Variants in HERC3 observed in about 807,000 individuals in gnomAD.
HERC3 encodes HECT and RLD domain containing E3 ubiquitin protein ligase 3, also known as probable E3 ubiquitin-protein ligase HERC3.
In HERC3, 58 loss-of-function variants were observed where a neutral mutation model predicts 129.9. The ratio of observed to expected loss-of-function variants is 0.45; its 90% CI spans 0.36 to 0.56. The LOEUF is 0.56. Among genes scored for constraint, HERC3 ranks in the 20% least tolerant of loss-of-function variants. HERC3 has a pLI of 0.00. For synonymous variants in HERC3, 430 were observed against 451.0 expected, an observed-to-expected ratio of 0.95 and a Z score of 0.59; for missense variants, 835 against 1,244.2, an observed-to-expected ratio of 0.67 and a Z score of 4.95.
rs13114607 is a variant in HERC3 at position 88,622,767 on chromosome 4, A to G, written c.226+16718A>G. Among the ~76,000 whole-genome samples, 623 of 152,210 alleles carry G rather than the reference A, an allele frequency of 4.1e-3. 11 individuals carry two copies. Among genetic ancestry groups the G allele is most frequent in the Admixed American group, 0.024 (361 of 15,278 alleles). On this transcript the variant is annotated intron_variant, in intron 3 of 25. Transcript: ENST00000402738. ...AACATGGTGAAACCCCATTTCTACT[A>G]AAAATACAAAAATTAGCTGGGTGTG...
At chr4:88,616,263 CATA>C (rs1455363059) in intron 3 of HERC3, among the ~76,000 whole-genome samples, 1 of 152,182 alleles carries the variant, frequency 6.6e-6, no homozygotes, top group Non-Finnish European at 1.5e-5. Flanking sequence ...TGATTATCCA[CATA>C]TGGACATGCA....
intron 3 of HERC3, among the ~76,000 whole-genome samples, chr4:88,620,196 T>C (rs191633298): frequency 1.8e-4 from 27 of 152,340 alleles, no homozygotes; most frequent in African/African-American, 5.3e-4. Context: ...TGAATAAATA[T>C]AACGGGTCAC....
At chr4:88,628,763 T>C (rs1193872698) in intron 3 of HERC3, among the ~76,000 whole-genome samples, 1 of 152,166 alleles carries the variant, frequency 6.6e-6, no homozygotes, top group Non-Finnish European at 1.5e-5. Context: ...TAAAATAGTA[T>C]AAAACAATCT....
At chr4:88,568,045 TG>T in the HERC3 span, among the ~76,000 whole-genome samples, 1 of 152,242 alleles carries the variant, frequency 6.6e-6, no homozygotes, top group Non-Finnish European at 1.5e-5. Context: ...GTAGAGGTAT[TG>T]CCTTAGTGGT....
the HERC3 span, among the ~76,000 whole-genome samples, chr4:88,537,853 A>T: frequency 1.3e-5 from 2 of 152,246 alleles, no homozygotes; most frequent in African/African-American, 4.8e-5. Context: ...TAAATGGGAG[A>T]TCTGCATTTA....
chr4:88,690,484 A>G, intron 23 of HERC3: 1 of 985,438 alleles, frequency 1.0e-6, no homozygotes, highest in South Asian at 4.7e-5. Flanking sequence ...TAATGTGTGC[A>G]TCATTTGTTA....
rs1735849377 is a variant in HERC3, at chr4:88,707,090, T to C, written c.*130T>C. On this transcript the variant is annotated 3_prime_UTR_variant, in exon 26 of 26. Coordinates refer to ENST00000402738, the MANE Select transcript of HERC3 (RefSeq NM_014606.3). ...GGTTGGGACTTTTAAATACTGAGCCTGGTTGATGTGTTTCTGGGATTGTAT... is the reference window on the plus strand; with the variant it reads ...GGTTGGGACTTTTAAATACTGAGCCCGGTTGATGTGTTTCTGGGATTGTAT... 1 of 720,766 alleles carries C rather than the reference T, an allele frequency of 1.4e-6. No homozygotes were observed. The highest frequency in any genetic ancestry group is 1.9e-5 in the South Asian group (1 of 53,730). The allele number at this position is 720,766 out of a possible 1,614,324, so 44.6% of individuals were successfully genotyped here.
Position 88,655,976 on chromosome 4 carries a change from G to A in HERC3, c.1010G>A (p.Cys337Tyr). ...ACTGGGCACACTTGTAATGTTAAGTGCCCATCTCCTGTCAAGGGTTACTGG... is the reference window on the plus strand; with the variant it reads ...ACTGGGCACACTTGTAATGTTAAGTACCCATCTCCTGTCAAGGGTTACTGG... Reference protein sequence around the residue: ...LGTGHTCNVKCPSPVKGYWAA... With the variant: ...LGTGHTCNVKYPSPVKGYWAA... The change falls in exon 9 of 26, where the codon TGC becomes TAC. Residue 337 changes from cysteine to tyrosine, a missense_variant. By Grantham distance (194) the Cys-to-Tyr change is radical. Coordinates refer to ENST00000402738, the MANE Select transcript of HERC3 (RefSeq NM_014606.3). The A allele has an allele frequency of 6.2e-7, 1 of 1,614,128 alleles. No individual in the cohort carries two copies. Among genetic ancestry groups the A allele is most frequent in the Non-Finnish European group, 8.5e-7 (1 of 1,179,994 alleles).
intron 3 of HERC3, among the ~76,000 whole-genome samples, chr4:88,636,965 A>G (rs1355725321): frequency 6.6e-6 from 1 of 152,084 alleles, no homozygotes; most frequent in Admixed American, 6.6e-5. Context: ...CCCCATCTCT[A>G]CTAAAATACA....
the HERC3 span, among the ~76,000 whole-genome samples, chr4:88,554,369 T>TAGA: frequency 6.9e-6 from 1 of 145,726 alleles, no homozygotes; most frequent in Non-Finnish European, 1.5e-5. Flanking sequence ...AAAAAAGGTA[T>TAGA]CCTGGCAATA....
At chr4:88,684,743 C>T (rs748191219) in intron 21 of HERC3, 35 of 152,070 alleles carry the variant, frequency 2.3e-4, no homozygotes, top group Admixed American at 1.7e-3. Flanking sequence ...GTCTAATATC[C>T]AGAATCTACA....
intron 4 of HERC3, among the ~76,000 whole-genome samples, chr4:88,651,788 A>G (rs977311844): frequency 2.6e-5 from 4 of 152,136 alleles, no homozygotes; most frequent in African/African-American, 7.2e-5. Flanking sequence ...GGGTTTCATC[A>G]TATTGGCCAG....
intron 3 of HERC3, among the ~76,000 whole-genome samples, chr4:88,612,603 C>T (rs1724471718): frequency 1.3e-5 from 2 of 152,090 alleles, no homozygotes; most frequent in Admixed American, 1.3e-4. Context: ...TGACTTTTCT[C>T]TCCTTCATTC....
rs552358582 is a variant in HERC3, at chr4:88,646,899, T to A, written c.227-2941T>A. 1.2e-4 allele frequency among the ~76,000 whole-genome samples: 19 copies of A among 152,310 alleles called. No homozygotes were observed. The South Asian group carries it at 3.9e-3, about 32-fold the overall frequency. On this transcript the variant is annotated intron_variant, in intron 3 of 25. Coordinates refer to ENST00000402738, the MANE Select transcript of HERC3 (RefSeq NM_014606.3). ...CAACATTTGCATTGCTGAACAGTATTTCTGCCTTTGTGGCTGCAGGTTTTA... is the reference window on the plus strand; with the variant it reads ...CAACATTTGCATTGCTGAACAGTATATCTGCCTTTGTGGCTGCAGGTTTTA...
At chr4:88,534,082 G>C in the HERC3 span, among the ~76,000 whole-genome samples, 1 of 152,072 alleles carries the variant, frequency 6.6e-6, no homozygotes, top group Non-Finnish European at 1.5e-5. Context: ...TGAGTCACCT[G>C]GGAATCTTGT....
At chr4:88,635,919 A>G (rs1486109352) in intron 3 of HERC3, among the ~76,000 whole-genome samples, 1 of 152,170 alleles carries the variant, frequency 6.6e-6, no homozygotes, top group East Asian at 1.9e-4. Context: ...AGCTAAGGAG[A>G]AATAAAATCC....
At chr4:88,590,385 C>G (rs1274440114), upstream of HERC3, among the ~76,000 whole-genome samples, 2 of 152,080 alleles carry the variant, frequency 1.3e-5, no homozygotes, top group African/African-American at 4.8e-5. Context: ...ATGGTGAAAC[C>G]CCGTCTCTAC....
At chr4:88,696,933 C>T (rs1448077159) in intron 23 of HERC3, 2 of 381,280 alleles carry the variant, frequency 5.2e-6, no homozygotes, top group Non-Finnish European at 9.2e-6. Context: ...CCTCAATCCT[C>T]AGAGAAGAGA....
the HERC3 span, among the ~76,000 whole-genome samples, chr4:88,543,926 G>A: frequency 5.3e-5 from 8 of 152,062 alleles, no homozygotes; most frequent in African/African-American, 1.9e-4. Context: ...AACTCAAGAT[G>A]GATTAAAGAC....
Sources: allele counts gnomAD v4.1 joint callset (sites outside exome capture counted in the v4.1 genomes callset), GRCh38; gene constraint gnomAD v4.1.1; transcripts MANE v1.5; gene names NCBI Gene and HGNC (gene_info 2026-07-23, HGNC 2026-07-21).